STK3: variants seen among roughly 807,000 people sequenced by gnomAD.
The protein encoded by STK3 is serine/threonine kinase 3.
A neutral mutation model predicts 58.0 loss-of-function variants in STK3; 41 were observed. That is an observed-to-expected ratio of 0.71 (90% CI 0.55 to 0.92). The LOEUF (loss-of-function observed/expected upper bound fraction) is 0.92. Ranked by LOEUF, STK3 falls within the 40% of genes least tolerant of loss-of-function variation. The pLI, the probability that STK3 is intolerant of heterozygous loss-of-function variation, is 0.00. For missense variants in STK3, 479 were observed against 602.7 expected, an observed-to-expected ratio of 0.79 and a Z score of 2.15; for synonymous variants, 170 against 191.0, an observed-to-expected ratio of 0.89 and a Z score of 0.91.
At chr8:98,377,542 C>T (rs1817687846) in intron 2 of STK3, among the ~76,000 whole-genome samples, 2 of 151,476 alleles carry the variant, frequency 1.3e-5, no homozygotes, top group Admixed American at 6.6e-5. Context: ...TATAAATTTT[C>T]ATAATAATTA....
At chr8:98,452,795 C>G (rs1178428397), downstream of STK3, among the ~76,000 whole-genome samples, 1 of 137,220 alleles carries the variant, frequency 7.3e-6, no homozygotes, top group African/African-American at 2.7e-5. Flanking sequence ...AAGCCTTACT[C>G]TGTTGCCCAG....
downstream of STK3, among the ~76,000 whole-genome samples, chr8:98,453,567 G>A (rs1030084068): frequency 4.6e-5 from 7 of 152,148 alleles, no homozygotes; most frequent in African/African-American, 1.7e-4. Flanking sequence ...ATATATGTGT[G>A]TATTTGTGTA....
At chr8:98,467,397 G>A (rs554465485) in intron 10 of STK3, among the ~76,000 whole-genome samples, 83 of 152,062 alleles carry the variant, frequency 5.5e-4, no homozygotes, top group Non-Finnish European at 8.5e-4. Context: ...TCGCTGGAGG[G>A]AGGCGGCTGG....
rs570527372 is a variant in STK3, at chr8:98,548,165, C to T, written c.949-4G>A. 6.6e-7 allele frequency: 1 copy of T among 1,521,318 alleles called. No individual in the cohort carries two copies. The highest frequency in any genetic ancestry group is 8.8e-7 in the Non-Finnish European group (1 of 1,134,694). 94.2% of individuals were successfully genotyped at this position (1,521,318 alleles called of 1,614,324 possible). Reference sequence around the variant, plus strand: ...GGGAATCCAGCTCATCTTCATCCTGCAAGCAAAATACTGCAATGAGGGAAG... The same window carrying T: ...GGGAATCCAGCTCATCTTCATCCTGTAAGCAAAATACTGCAATGAGGGAAG... On this transcript the variant is annotated splice_polypyrimidine_tract_variant and splice_region_variant and intron_variant, in intron 8 of 10. Coordinates refer to ENST00000419617, the MANE Select transcript of STK3 (RefSeq NM_006281.4).
intron 1 of STK3, among the ~76,000 whole-genome samples, chr8:98,908,715 C>G (rs1232630039): frequency 6.6e-6 from 1 of 150,996 alleles, no homozygotes. Context: ...TGGTGGCAGG[C>G]ACCTGTAATC....
chr8:98,911,380 T>C (rs962484207), intron 1 of STK3, among the ~76,000 whole-genome samples: 1 of 144,754 alleles, frequency 6.9e-6, no homozygotes, highest in African/African-American at 2.7e-5. Context: ...ATAAATATTG[T>C]ATTGTATTTA....
chr8:98,894,120 G>C (rs567625153), intron 1 of STK3, among the ~76,000 whole-genome samples: 247 of 152,260 alleles, frequency 1.6e-3, no homozygotes, highest in Middle Eastern at 3.4e-3. Context: ...GTGATAGGGG[G>C]TATTTTCTAA....
chr8:98,800,965 G>A lies in STK3; in HGVS notation c.26+24550C>T, dbSNP rs1293043945. ...TCCCATAAACCGCCCAAGGGCTGAGGAGTGCAGGCGCACAGTGCGGGACTG... is the reference window on the plus strand; with the variant it reads ...TCCCATAAACCGCCCAAGGGCTGAGAAGTGCAGGCGCACAGTGCGGGACTG... On this transcript the variant is annotated intron_variant, in intron 1 of 10. Transcript: ENST00000419617. The surrounding 1 kb of genome is among the most constrained non-coding windows in gnomAD (Gnocchi z 4.8). Among the ~76,000 whole-genome samples the A allele has an allele frequency of 6.6e-6, 1 of 152,240 alleles. No individual in the cohort carries two copies. The highest frequency in any genetic ancestry group is 2.4e-5 in the African/African-American group (1 of 41,476).
the STK3 span, among the ~76,000 whole-genome samples, chr8:98,346,970 ATGTAT>A: frequency 6.6e-6 from 1 of 151,856 alleles, no homozygotes; most frequent in African/African-American, 2.4e-5. Flanking sequence ...AATAATAATA[ATGTAT>A]TGTATTGTAG....
intron 6 of STK3, among the ~76,000 whole-genome samples, chr8:98,617,647 C>G (rs1410980916): frequency 6.6e-6 from 1 of 151,984 alleles, no homozygotes; most frequent in Non-Finnish European, 1.5e-5. Flanking sequence ...ACCGATCCCA[C>G]AGAAATACAA....
At chr8:98,655,660 CA>C (rs1821429437) in intron 6 of STK3, among the ~76,000 whole-genome samples, 2 of 151,494 alleles carry the variant, frequency 1.3e-5, no homozygotes. Flanking sequence ...ACAACCCCAT[CA>C]AAAAGTGGGC....
chr8:98,789,877 A>C (rs912262633), intron 1 of STK3, among the ~76,000 whole-genome samples: 1 of 152,032 alleles, frequency 6.6e-6, no homozygotes, highest in African/African-American at 2.4e-5. Context: ...AAATAGAAAA[A>C]AGTAGCTGGG....
In STK3 at chr8:98,803,604, AAAAAG is replaced by A. The variant is rs1172268437; in HGVS notation, c.26+21906_26+21910del. Among the ~76,000 whole-genome samples, 548 of 130,912 alleles carry A rather than the reference AAAAAG, an allele frequency of 4.2e-3. 8 individuals carry two copies. The highest frequency in any genetic ancestry group is 6.9e-3 in the Non-Finnish European group (434 of 62,996). 85.9% of individuals were successfully genotyped at this position (130,912 alleles called of 152,430 possible). A position where few individuals can be genotyped will look rare whatever the true frequency, so the allele number is the denominator to read the frequency against. On this transcript the variant is annotated intron_variant, in intron 1 of 10. Coordinates refer to ENST00000419617, the MANE Select transcript of STK3 (RefSeq NM_006281.4). ...GTGAGACTCTGTTTCAAAAAAAAAA[AAAAAG>A]AAAAAAAAAGAAAAGAAATAGTAAA...
chr8:98,663,833 T>C (rs548949646), intron 6 of STK3, among the ~76,000 whole-genome samples: 1 of 152,138 alleles, frequency 6.6e-6, no homozygotes, highest in South Asian at 2.1e-4. Context: ...AGAACACAAG[T>C]TGTATTTCTA....
chr8:98,623,225 AG>A (rs1221076238), intron 6 of STK3, among the ~76,000 whole-genome samples: 1 of 152,074 alleles, frequency 6.6e-6, no homozygotes, highest in East Asian at 1.9e-4. Flanking sequence ...GAAGAAAGGA[AG>A]AAAGAGAGGG....
intron 1 of STK3, among the ~76,000 whole-genome samples, chr8:98,786,444 A>G (rs1274428111): frequency 6.6e-6 from 1 of 152,142 alleles, no homozygotes; most frequent in Non-Finnish European, 1.5e-5. Context: ...GCTACTTGGG[A>G]GGCTGGGGTG....
At chr8:98,763,349 T>C (rs1830748726) in intron 3 of STK3, among the ~76,000 whole-genome samples, 1 of 152,244 alleles carries the variant, frequency 6.6e-6, no homozygotes, top group Non-Finnish European at 1.5e-5. Flanking sequence ...ACATGTAGTA[T>C]TCAGCCCATT....
chr8:98,572,262 C>T (rs1586893951), intron 8 of STK3, among the ~76,000 whole-genome samples: 1 of 152,236 alleles, frequency 6.6e-6, no homozygotes, highest in African/African-American at 2.4e-5. Flanking sequence ...ATTTTGAATA[C>T]TAGAGTTAAA....
At chr8:98,727,806 T>C (rs1320690783) in intron 4 of STK3, among the ~76,000 whole-genome samples, 4 of 152,222 alleles carry the variant, frequency 2.6e-5, no homozygotes, top group Non-Finnish European at 4.4e-5. Flanking sequence ...TAGTTTGTCA[T>C]TGTATTCATT....
Sources: allele counts gnomAD v4.1 joint callset (sites outside exome capture counted in the v4.1 genomes callset), GRCh38; gene constraint gnomAD v4.1.1; non-coding constraint Gnocchi (gnomAD v3.1); transcripts MANE v1.5; gene names NCBI Gene and HGNC (gene_info 2026-07-23, HGNC 2026-07-21).